Variants in PALLD observed in about 807,000 individuals in gnomAD.
PALLD encodes palladin.
A neutral mutation model predicts 123.5 loss-of-function variants in PALLD; 61 were observed. The ratio of observed to expected loss-of-function variants is 0.49; its 90% CI spans 0.40 to 0.61. PALLD has a LOEUF of 0.61. Ranked by LOEUF, PALLD falls within the 20% of genes least tolerant of loss-of-function variation. PALLD has a pLI of 0.00. For missense variants in PALLD, 1,273 were observed against 1,377.0 expected, an observed-to-expected ratio of 0.92 and a Z score of 1.20; for synonymous variants, 465 against 496.4, an observed-to-expected ratio of 0.94 and a Z score of 0.84.
In PALLD at chr4:168,769,144, T is replaced by C. The variant is rs148958716; in HGVS notation, c.1964+57221T>C. 1.4e-4 allele frequency among the ~76,000 whole-genome samples: 22 copies of C among 152,302 alleles called. No homozygotes were observed. The East Asian group carries it at 4.0e-3, about 28-fold the overall frequency. ...CCGGTATGTGTTTTATTTGAGTGTG[T>C]ATAGATGACTTTTCCAGTGAAGAAC... On this transcript the variant is annotated intron_variant, in intron 10 of 21. Coordinates refer to ENST00000505667, the MANE Select transcript of PALLD (RefSeq NM_001166108.2).
intron 10 of PALLD, among the ~76,000 whole-genome samples, chr4:168,754,270 A>T (rs549439418): frequency 5.3e-5 from 8 of 152,302 alleles, no homozygotes; most frequent in African/African-American, 1.7e-4. Context: ...GTGCTCTTCC[A>T]TTGTGTGTGT....
chr4:168,542,568 C>G (rs1216403243), intron 2 of PALLD, among the ~76,000 whole-genome samples: 1 of 150,848 alleles, frequency 6.6e-6, no homozygotes, highest in Non-Finnish European at 1.5e-5. Context: ...TCAACCACAA[C>G]CACAATCCAG....
At chr4:168,804,484 C>T (rs1561542106) in intron 10 of PALLD, among the ~76,000 whole-genome samples, 1 of 152,202 alleles carries the variant, frequency 6.6e-6, no homozygotes, top group Admixed American at 6.5e-5. Flanking sequence ...CCTTCTCATC[C>T]TATGAGTCTC....
At chr4:168,599,913 CAT>C (rs929522060) in intron 2 of PALLD, among the ~76,000 whole-genome samples, 3 of 139,670 alleles carry the variant, frequency 2.1e-5, no homozygotes, top group African/African-American at 5.7e-5. Context: ...CACACACACA[CAT>C]ATATATACAC....
intron 2 of PALLD, among the ~76,000 whole-genome samples, chr4:168,639,213 C>A (rs1404101860): frequency 1.3e-5 from 2 of 152,180 alleles, no homozygotes; most frequent in Non-Finnish European, 2.9e-5. Context: ...ACTGTGAAAA[C>A]CACAGAAGTC....
At chr4:168,730,047 G>A (rs539433146) in intron 10 of PALLD, among the ~76,000 whole-genome samples, 2 of 152,204 alleles carry the variant, frequency 1.3e-5, no homozygotes, top group East Asian at 1.9e-4. Context: ...ATAGAAAATA[G>A]TGGGCCCTTT....
chr4:168,824,472 A>G (rs2150811961), intron 10 of PALLD, among the ~76,000 whole-genome samples: 1 of 152,324 alleles, frequency 6.6e-6, no homozygotes, highest in East Asian at 1.9e-4. Context: ...TAGCAGATTG[A>G]ACCAAAGTTT....
intron 1 of PALLD, among the ~76,000 whole-genome samples, chr4:168,503,633 C>A (rs1402930228): frequency 7.3e-6 from 1 of 136,656 alleles, no homozygotes; most frequent in African/African-American, 2.8e-5. Context: ...GGCAACAGAG[C>A]GAGACTCCAT....
intron 10 of PALLD, among the ~76,000 whole-genome samples, chr4:168,876,665 C>A (rs1185584991): frequency 6.6e-6 from 1 of 152,168 alleles, no homozygotes; most frequent in Non-Finnish European, 1.5e-5. Flanking sequence ...TTTTATTGGC[C>A]ACTTCAATTC....
At position 168,844,002 on chromosome 4, in the gene PALLD, C is replaced by A. The variant is rs1746433846; in HGVS notation, c.1965-46920C>A. ...AGTGAAAGTGAAAAGGAGTCGGTAA[C>A]CTTGAATTTTAGCAAACTAGAGAAG... On this transcript the variant is annotated intron_variant, in intron 10 of 21. Transcript: ENST00000505667. The surrounding 1 kb of genome is among the most constrained non-coding windows in gnomAD (Gnocchi z 4.5). The A allele has an allele frequency of 6.6e-6, 1 of 152,168 alleles. No individual in the cohort carries two copies. The highest frequency in any genetic ancestry group is 1.5e-5 in the Non-Finnish European group (1 of 68,036). 9.4% of individuals were successfully genotyped at this position (152,168 alleles called of 1,614,324 possible). A position where few individuals can be genotyped will look rare whatever the true frequency, so the allele number is the denominator to read the frequency against.
intron 10 of PALLD, among the ~76,000 whole-genome samples, chr4:168,780,147 C>T (rs955198201): frequency 1.5e-4 from 23 of 152,212 alleles, no homozygotes; most frequent in African/African-American, 5.3e-4. Context: ...GATTCGCCCA[C>T]CTTGGCCTCC....
In PALLD at chr4:168,890,825, T is replaced by C. The variant is rs948166176; in HGVS notation, c.1965-97T>C. The C allele has an allele frequency of 2.8e-5, 34 of 1,226,438 alleles. No individual in the cohort carries two copies. In the African/African-American group the frequency reaches 4.3e-4, roughly 16 times the overall value. The allele number at this position is 1,226,438 out of a possible 1,614,324, so 76.0% of individuals were successfully genotyped here. On this transcript the variant is annotated intron_variant, in intron 10 of 21. Transcript: ENST00000505667. ...AGCATAAAAAATAGTGGGAGTGACA[T>C]GCTGATACCTTGCACTGTCTTTGTT...
At chr4:168,581,085 T>G (rs1203312955) in intron 2 of PALLD, among the ~76,000 whole-genome samples, 1 of 151,966 alleles carries the variant, frequency 6.6e-6, no homozygotes, top group Non-Finnish European at 1.5e-5. Flanking sequence ...GTCACAAGTT[T>G]ACCTATATTA....
At chr4:168,521,380 G>A (rs1036215444) in intron 2 of PALLD, among the ~76,000 whole-genome samples, 1 of 152,112 alleles carries the variant, frequency 6.6e-6, no homozygotes, top group Non-Finnish European at 1.5e-5. Context: ...CTGTGCCTCA[G>A]TTTCTTTGTT....
chr4:168,741,345 T>TGTGTGTGTGTG (rs56865130), intron 10 of PALLD, among the ~76,000 whole-genome samples: 2,542 of 89,988 alleles, frequency 0.028, 71 homozygotes, highest in African/African-American at 0.062. Flanking sequence ...TATTTGTTTT[T>TGTGTGTGTGTG]TTTGTGTGTG....
intron 10 of PALLD, among the ~76,000 whole-genome samples, chr4:168,741,979 T>C (rs2320079): frequency 0.56 from 85,833 of 152,068 alleles, 24,660 homozygotes; most frequent in African/African-American, 0.67. Context: ...GGCTGCATTT[T>C]GACATGTCCC....
chr4:168,665,454 T>C (rs1448718083), intron 2 of PALLD, among the ~76,000 whole-genome samples: 3 of 152,142 alleles, frequency 2.0e-5, no homozygotes, highest in African/African-American at 7.2e-5. Context: ...AAATGGTTGC[T>C]TGGGAGGTTG....
At chr4:168,795,461 G>T (rs1386588408) in intron 10 of PALLD, among the ~76,000 whole-genome samples, 1 of 152,086 alleles carries the variant, frequency 6.6e-6, no homozygotes, top group African/African-American at 2.4e-5. Flanking sequence ...GTATTATATT[G>T]GTTGCTGTCA....
intron 10 of PALLD, among the ~76,000 whole-genome samples, chr4:168,754,082 T>C (rs1041215245): frequency 1.3e-5 from 2 of 152,214 alleles, no homozygotes; most frequent in African/African-American, 4.8e-5. Flanking sequence ...AAAATAAGAA[T>C]GTTATCTCCC....
Sources: gnomAD v4.1 joint callset for allele counts (sites outside exome capture counted in the v4.1 genomes callset) on GRCh38, gnomAD v4.1.1 for gene constraint, Gnocchi (gnomAD v3.1) non-coding constraint, MANE v1.5 for transcripts, NCBI Gene and HGNC (gene_info 2026-07-23, HGNC 2026-07-21) for gene names.